GRM7: variants seen among roughly 807,000 people sequenced by gnomAD.
The protein encoded by GRM7 is metabotropic glutamate receptor 7.
In GRM7, 35 loss-of-function variants were observed where a neutral mutation model predicts 84.5. The ratio of observed to expected loss-of-function variants is 0.41; its 90% CI spans 0.32 to 0.55. GRM7 has a LOEUF of 0.55. GRM7 is among the 20% of genes least tolerant of loss of function. GRM7 has a pLI of 0.19. For missense variants in GRM7, 1,003 were observed against 1,194.6 expected (o/e 0.84, Z 2.36); for synonymous variants, 487 against 455.1 (o/e 1.07, Z -0.89).
At chr3:7,193,201 G>T (rs1310087766) in intron 2 of GRM7, among the ~76,000 whole-genome samples, 1 of 152,070 alleles carries the variant, frequency 6.6e-6, no homozygotes, top group Non-Finnish European at 1.5e-5. Flanking sequence ...ATGGGTTGGT[G>T]CACGGATAGG....
chr3:7,251,948 C>G (rs115967417), intron 2 of GRM7, among the ~76,000 whole-genome samples: 1 of 152,030 alleles, frequency 6.6e-6, no homozygotes, highest in Non-Finnish European at 1.5e-5. Context: ...CTCCAGTAGC[C>G]GGAAAACAAA....
intron 2 of GRM7, 131 bp downstream of exon 2, chr3:7,146,799 T>A: frequency 3.1e-6 from 2 of 639,016 alleles, no homozygotes; most frequent in South Asian, 3.9e-5. Flanking sequence ...ACACCTGTGA[T>A]GTCTTCATCT....
At chr3:7,323,153 A>C (rs1448434857) in intron 4 of GRM7, among the ~76,000 whole-genome samples, 2 of 152,154 alleles carry the variant, frequency 1.3e-5, no homozygotes, top group African/African-American at 4.8e-5. Flanking sequence ...TCAGTCATTC[A>C]TTAGCCACAG....
intron 7 of GRM7, 61 bp from the exon 8 acceptor site, chr3:7,578,361 G>A (rs1331678940): frequency 1.8e-6 from 2 of 1,134,908 alleles, no homozygotes; most frequent in Non-Finnish European, 2.6e-6. Context: ...TGCTGCTGGT[G>A]TTCTTTTTCT....
chr3:6,990,024 G>A (rs1481691408), intron 1 of GRM7, among the ~76,000 whole-genome samples: 3 of 152,200 alleles, frequency 2.0e-5, no homozygotes, highest in African/African-American at 4.8e-5. Context: ...GATGCTAGCT[G>A]ACTCTGCATT....
chr3:7,302,243 C>T (rs1470534968), intron 3 of GRM7, among the ~76,000 whole-genome samples: 3 of 152,026 alleles, frequency 2.0e-5, no homozygotes, highest in African/African-American at 7.2e-5. Context: ...ACTGCTAATA[C>T]AATTCTGGTT....
intron 1 of GRM7, among the ~76,000 whole-genome samples, chr3:7,068,253 A>G (rs1258473219): frequency 6.6e-6 from 1 of 151,958 alleles, no homozygotes; most frequent in Non-Finnish European, 1.5e-5. Flanking sequence ...AATGATAGCT[A>G]TATAGGACTA....
intron 2 of GRM7, among the ~76,000 whole-genome samples, chr3:7,276,805 T>TCCCTTCCCTTCCTCCC (rs1699086677): frequency 3.0e-3 from 4 of 1,340 alleles, no homozygotes; most frequent in Non-Finnish European, 0.018. Context: ...CTTCCTTCCT[T>TCCCTTCCCTTCCTCCC]TTTGGTGGTG....
At chr3:6,939,157 C>T (rs1697799510) in intron 1 of GRM7, among the ~76,000 whole-genome samples, 1 of 152,102 alleles carries the variant, frequency 6.6e-6, no homozygotes, top group South Asian at 2.1e-4. Flanking sequence ...TATGAGAAAA[C>T]TCCAGCTCAG....
chr3:6,862,688 C>CTAACTGT lies in GRM7; in HGVS notation c.519+781_519+782insTAACTGT, dbSNP rs1553574480. ...ACCTCAGCCCAGGGATGAGCTCACG[C>CTAACTGT]GAAACGAAATCGCTCTCCCTGCCTC... On this transcript the variant is annotated intron_variant, in intron 1 of 9. Transcript: ENST00000357716. This position sits in a 1 kb window ranked among gnomAD's most constrained non-coding sequence, Gnocchi z 5.2. 7.1e-6 allele frequency: 2 copies of CTAACTGT among 283,454 alleles called. No individual in the cohort carries two copies. Among genetic ancestry groups the CTAACTGT allele is most frequent in the Admixed American group, 5.0e-5 (1 of 19,816 alleles). 17.6% of individuals were successfully genotyped at this position (283,454 alleles called of 1,614,324 possible). A position where few individuals can be genotyped will look rare whatever the true frequency, so the allele number is the denominator to read the frequency against.
chr3:7,176,687 T>C (rs1368868898), intron 2 of GRM7, among the ~76,000 whole-genome samples: 1 of 152,216 alleles, frequency 6.6e-6, no homozygotes, highest in African/African-American at 2.4e-5. Context: ...TTTTCATTCA[T>C]GTCTCTTCCT....
In GRM7 at chr3:7,263,585, T is replaced by C. The variant is rs961424054; in HGVS notation, c.737-35099T>C. On this transcript the variant is annotated intron_variant, in intron 2 of 9. Transcript: ENST00000357716. Reference sequence around the variant, plus strand: ...GCTACTGTGCATGGTCATGTTAGCATGAGGGTGGGGCGCTGGTGGGCACAG... The same window carrying C: ...GCTACTGTGCATGGTCATGTTAGCACGAGGGTGGGGCGCTGGTGGGCACAG... 2.0e-5 allele frequency among the ~76,000 whole-genome samples: 3 copies of C among 152,260 alleles called. No individual in the cohort carries two copies. In the South Asian group the frequency reaches 6.2e-4, roughly 32 times the overall value.
chr3:7,003,610 G>C (rs371262112), intron 1 of GRM7, among the ~76,000 whole-genome samples: 22 of 152,172 alleles, frequency 1.4e-4, no homozygotes, highest in African/African-American at 5.3e-4. Context: ...TAGTGGATGA[G>C]TCTAGGTCTA....
At chr3:7,114,311 G>C (rs1406165806) in intron 1 of GRM7, among the ~76,000 whole-genome samples, 2 of 152,112 alleles carry the variant, frequency 1.3e-5, no homozygotes, top group African/African-American at 4.8e-5. Flanking sequence ...AAGATGCTCA[G>C]TCCCTTCACA....
At chr3:7,720,640 T>A (rs1459980619) in intron 9 of GRM7, among the ~76,000 whole-genome samples, 1 of 152,180 alleles carries the variant, frequency 6.6e-6, no homozygotes, top group Non-Finnish European at 1.5e-5. Context: ...CTGCAACAAC[T>A]TGAACATTCA....
chr3:7,336,575 T>C (rs995438038), intron 4 of GRM7, among the ~76,000 whole-genome samples: 2 of 151,918 alleles, frequency 1.3e-5, no homozygotes, highest in Non-Finnish European at 2.9e-5. Flanking sequence ...ATAAAGAGCA[T>C]CCAAGTCAGT....
chr3:7,537,733 C>T (rs1692631713), intron 7 of GRM7, among the ~76,000 whole-genome samples: 1 of 152,176 alleles, frequency 6.6e-6, no homozygotes, highest in Non-Finnish European at 1.5e-5. Context: ...GGAACTCAGG[C>T]TGGCAGGGAA....
intron 2 of GRM7, among the ~76,000 whole-genome samples, chr3:7,226,610 A>C (rs1696989867): frequency 6.6e-6 from 1 of 152,204 alleles, no homozygotes; most frequent in Admixed American, 6.5e-5. Flanking sequence ...CCTGCACAAC[A>C]GGAAGAGATT....
intron 8 of GRM7, among the ~76,000 whole-genome samples, chr3:7,661,713 G>A (rs1055091106): frequency 2.0e-5 from 3 of 146,966 alleles, no homozygotes; most frequent in Admixed American, 7.0e-5. Context: ...AGAATGGGGT[G>A]AACTCGGGAG....
Sources: gnomAD v4.1 joint callset for allele counts (sites outside exome capture counted in the v4.1 genomes callset) on GRCh38, gnomAD v4.1.1 for gene constraint, Gnocchi (gnomAD v3.1) non-coding constraint, MANE v1.5 for transcripts, NCBI Gene and HGNC (gene_info 2026-07-23, HGNC 2026-07-21) for gene names.